Variants in WWTR1 observed in about 807,000 individuals in gnomAD.
WWTR1 encodes the protein WW domain containing transcription regulator 1.
A neutral mutation model predicts 40.1 loss-of-function variants in WWTR1; 13 were observed. The ratio of observed to expected loss-of-function variants is 0.32; its 90% CI spans 0.21 to 0.52. The LOEUF (loss-of-function observed/expected upper bound fraction) is 0.52. Ranked by LOEUF, WWTR1 falls within the 20% of genes least tolerant of loss-of-function variation. The probability of loss-of-function intolerance (pLI) is 0.97; values close to 1 mark genes in which losing one functional copy is unlikely to be tolerated. For synonymous variants in WWTR1, 230 were observed against 210.1 expected (o/e 1.09, Z -0.82); for missense variants, 436 against 523.1 (o/e 0.83, Z 1.63).
intron 6 of WWTR1, among the ~76,000 whole-genome samples, chr3:149,524,214 T>C (rs988288290): frequency 6.6e-6 from 1 of 152,194 alleles, no homozygotes. Context: ...AAAACTATGT[T>C]CTTTTCAGGA....
intron 5 of WWTR1, among the ~76,000 whole-genome samples, chr3:149,716,320 T>A (rs1231694989): frequency 6.7e-6 from 1 of 149,306 alleles, no homozygotes; most frequent in East Asian, 2.0e-4. Context: ...AGGCAGAGGG[T>A]GCAGTGAGCC....
intron 2 of WWTR1, among the ~76,000 whole-genome samples, chr3:149,645,215 G>A (rs1306144417): frequency 6.6e-6 from 1 of 152,166 alleles, no homozygotes; most frequent in South Asian, 2.1e-4. Flanking sequence ...GAGTCACTGG[G>A]ACTACAGGTG....
At chr3:149,658,582 T>A (rs1435641641), upstream of WWTR1, 2 of 152,320 alleles carry the variant, frequency 1.3e-5, no homozygotes, top group Non-Finnish European at 2.9e-5. Context: ...GAGAGGCTGC[T>A]TAGCTCTTGT....
chr3:149,586,640 T>G (rs1468702964), intron 2 of WWTR1, among the ~76,000 whole-genome samples: 2 of 152,150 alleles, frequency 1.3e-5, no homozygotes, highest in African/African-American at 4.8e-5. Context: ...GAACTTCTCT[T>G]GTTTTAATGA....
chr3:149,684,786 A>G (rs1009099404), intron 1 of WWTR1, among the ~76,000 whole-genome samples: 2 of 150,594 alleles, frequency 1.3e-5, no homozygotes, highest in African/African-American at 4.9e-5. Context: ...CTGCTTTCGA[A>G]CTCCTGGGCT....
At chr3:149,622,509 G>GAAAGAA in intron 2 of WWTR1, among the ~76,000 whole-genome samples, 1 of 139,196 alleles carries the variant, frequency 7.2e-6, no homozygotes, top group Non-Finnish European at 1.6e-5. Context: ...AAGGAAGAAA[G>GAAAGAA]AAAGAAAGAA....
chr3:149,629,965 G>GCC (rs1000191797), intron 2 of WWTR1, among the ~76,000 whole-genome samples: 1 of 152,036 alleles, frequency 6.6e-6, no homozygotes, highest in Non-Finnish European at 1.5e-5. Flanking sequence ...TCCCACCTCA[G>GCC]CCTCCCCGGT....
intron 2 of WWTR1, among the ~76,000 whole-genome samples, chr3:149,577,111 C>T (rs1382756361): frequency 2.6e-5 from 4 of 152,182 alleles, no homozygotes; most frequent in Non-Finnish European, 4.4e-5. Context: ...GAGCCGAGAT[C>T]GCACCATTGC....
chr3:149,616,003 T>C (rs1338955341), intron 2 of WWTR1, among the ~76,000 whole-genome samples: 2 of 152,118 alleles, frequency 1.3e-5, no homozygotes, highest in Non-Finnish European at 2.9e-5. Context: ...ATGGAGGCCA[T>C]CCTGACTGAA....
chr3:149,679,381 C>T (rs1179396243), intron 1 of WWTR1, among the ~76,000 whole-genome samples: 1 of 152,152 alleles, frequency 6.6e-6, no homozygotes. Context: ...CATGATATAA[C>T]AATATGGCAG....
At chr3:149,710,655 C>G (rs1391223872) in intron 5 of WWTR1, among the ~76,000 whole-genome samples, 2 of 134,652 alleles carry the variant, frequency 1.5e-5, no homozygotes, top group African/African-American at 5.6e-5. Flanking sequence ...TCTTGGCACA[C>G]TACAACCTCC....
intron 2 of WWTR1, among the ~76,000 whole-genome samples, chr3:149,655,998 T>C (rs985961164): frequency 6.6e-6 from 1 of 152,214 alleles, no homozygotes; most frequent in Non-Finnish European, 1.5e-5. Flanking sequence ...CCATCTTTGA[T>C]AGCCTGACCC....
chr3:149,627,991 T>C (rs1257779488), intron 2 of WWTR1, among the ~76,000 whole-genome samples: 1 of 151,076 alleles, frequency 6.6e-6, no homozygotes, highest in Non-Finnish European at 1.5e-5. Flanking sequence ...AAAAATCGCT[T>C]GAACCTGGGA....
At chr3:149,550,714 A>T (rs745927728) in intron 3 of WWTR1, among the ~76,000 whole-genome samples, 2,396 of 113,480 alleles carry the variant, frequency 0.021, 244 homozygotes, top group African/African-American at 0.031. Flanking sequence ...ACAGAGTAAT[A>T]GAAAAACAAA....
chr3:149,682,190 T>A (rs1484959974), intron 1 of WWTR1, among the ~76,000 whole-genome samples: 1 of 152,186 alleles, frequency 6.6e-6, no homozygotes, highest in African/African-American at 2.4e-5. Flanking sequence ...TAGTGATTAG[T>A]GGTTAAACAA....
At chr3:149,663,477 C>G (rs1160257546) in intron 2 of WWTR1, among the ~76,000 whole-genome samples, 2 of 151,976 alleles carry the variant, frequency 1.3e-5, no homozygotes, top group Admixed American at 1.3e-4. Context: ...AGGCAGATCA[C>G]CTGAGGTCAG....
At chr3:149,547,631 C>A (rs1364971850) in intron 3 of WWTR1, among the ~76,000 whole-genome samples, 1 of 152,118 alleles carries the variant, frequency 6.6e-6, no homozygotes, top group Non-Finnish European at 1.5e-5. Flanking sequence ...CTAAAGACCT[C>A]GTCAGCTCTA....
chr3:149,664,412 C>T (rs1297775013), intron 2 of WWTR1, among the ~76,000 whole-genome samples: 2 of 152,198 alleles, frequency 1.3e-5, no homozygotes, highest in African/African-American at 4.8e-5. Context: ...GTGTTTAACA[C>T]AGTGTCCAGC....
chr3:149,694,373 G>A (rs527760431), intron 1 of WWTR1, among the ~76,000 whole-genome samples: 2 of 152,286 alleles, frequency 1.3e-5, no homozygotes, highest in Admixed American at 1.3e-4. Flanking sequence ...CAGCCTGGGC[G>A]ACAGAGCAAG....
Sources: gnomAD v4.1 joint callset for allele counts (sites outside exome capture counted in the v4.1 genomes callset) on GRCh38, gnomAD v4.1.1 for gene constraint, MANE v1.5 for transcripts, NCBI Gene and HGNC (gene_info 2026-07-23, HGNC 2026-07-21) for gene names.